OSBPL10: variants seen among roughly 807,000 people sequenced by gnomAD.
OSBPL10 encodes the protein oxysterol binding protein like 10.
In OSBPL10, 49 loss-of-function variants were observed where a neutral mutation model predicts 81.7. The observed-to-expected ratio is 0.60, with a 90% CI of 0.48 to 0.76. The LOEUF is 0.76. Ranked by LOEUF, OSBPL10 falls within the 30% of genes least tolerant of loss-of-function variation. The pLI is 0.00. For missense variants in OSBPL10, 923 were observed against 987.8 expected (o/e 0.93, Z 0.88); for synonymous variants, 419 against 383.6 (o/e 1.09, Z -1.08).
chr3:31,960,087 CCT>C (rs1305592716), intron 1 of OSBPL10: 1 of 152,176 alleles, frequency 6.6e-6, no homozygotes, highest in African/African-American at 2.4e-5. Flanking sequence ...TTCCAAACTC[CCT>C]GAGGCAGGGA....
intron 3 of OSBPL10, among the ~76,000 whole-genome samples, chr3:31,832,077 T>C (rs1700257050): frequency 6.6e-6 from 1 of 152,206 alleles, no homozygotes; most frequent in Non-Finnish European, 1.5e-5. Flanking sequence ...TATGAATTGA[T>C]CTGGAAATAT....
At chr3:31,677,108 G>A (rs1700499301) in intron 8 of OSBPL10, among the ~76,000 whole-genome samples, 2 of 152,152 alleles carry the variant, frequency 1.3e-5, no homozygotes, top group Admixed American at 1.3e-4. Flanking sequence ...ATAATGAGGA[G>A]ATGGAAAAAG....
At chr3:31,695,986 T>G (rs900928073) in intron 7 of OSBPL10, among the ~76,000 whole-genome samples, 8 of 152,102 alleles carry the variant, frequency 5.3e-5, no homozygotes, top group African/African-American at 1.7e-4. Flanking sequence ...ATGAGGAAGG[T>G]ACAATTATCA....
intron 2 of OSBPL10, among the ~76,000 whole-genome samples, chr3:32,003,568 G>A (rs553798995): frequency 6.6e-6 from 1 of 152,346 alleles, no homozygotes; most frequent in South Asian, 2.1e-4. Context: ...GTGTTTCTGA[G>A]AACTGAATAT....
At chr3:31,961,047 CT>C (rs35027814) in intron 1 of OSBPL10, among the ~76,000 whole-genome samples, 18,753 of 112,618 alleles carry the variant, frequency 0.17, 1,622 homozygotes, top group Middle Eastern at 0.23. Flanking sequence ...AAGCTACAGC[CT>C]TTTTTTTTTT....
intron 1 of OSBPL10, among the ~76,000 whole-genome samples, chr3:31,927,930 G>C (rs191366195): frequency 1.3e-5 from 2 of 152,044 alleles, no homozygotes; most frequent in South Asian, 2.1e-4. Context: ...CCTTGTAGTC[G>C]GGAACAGGGA....
chr3:31,821,746 G>C (rs2125507666), intron 4 of OSBPL10, among the ~76,000 whole-genome samples: 1 of 152,298 alleles, frequency 6.6e-6, no homozygotes, highest in East Asian at 1.9e-4. Flanking sequence ...TTCACACAAA[G>C]GGTAAATTCA....
chr3:32,068,078 G>A (rs889450063), intron 1 of OSBPL10, among the ~76,000 whole-genome samples: 2 of 152,228 alleles, frequency 1.3e-5, no homozygotes, highest in South Asian at 2.1e-4. Flanking sequence ...TCAGGTAAGC[G>A]GTCTTTTCAC....
chr3:31,860,205 C>T (rs192088237), intron 3 of OSBPL10, among the ~76,000 whole-genome samples: 19 of 152,266 alleles, frequency 1.2e-4, no homozygotes, highest in South Asian at 4.1e-4. Context: ...GCCTGCACCT[C>T]GGCAACCTCT....
intron 1 of OSBPL10, among the ~76,000 whole-genome samples, chr3:31,906,088 G>T (rs1422619481): frequency 2.0e-5 from 3 of 152,158 alleles, no homozygotes; most frequent in Non-Finnish European, 2.9e-5. Context: ...CATCACTTCA[G>T]TTGGCTCTGC....
chr3:31,962,343 A>G (rs1698191809), intron 1 of OSBPL10, among the ~76,000 whole-genome samples: 2 of 152,186 alleles, frequency 1.3e-5, no homozygotes, highest in African/African-American at 2.4e-5. Flanking sequence ...TGATTTTCTA[A>G]GCAAATAACA....
chr3:31,888,565 T>G (rs1040837182), intron 1 of OSBPL10, among the ~76,000 whole-genome samples: 2 of 152,110 alleles, frequency 1.3e-5, no homozygotes, highest in African/African-American at 4.8e-5. Context: ...TTGCAAACTA[T>G]TCATCTAACA....
chr3:31,938,571 C>T (rs769600760), intron 1 of OSBPL10, among the ~76,000 whole-genome samples: 6 of 152,058 alleles, frequency 3.9e-5, no homozygotes, highest in Admixed American at 6.5e-5. Context: ...TGCAGTGGTG[C>T]GATCATGGCT....
At chr3:31,870,451 T>G (rs1261700319) in intron 3 of OSBPL10, among the ~76,000 whole-genome samples, 2 of 152,182 alleles carry the variant, frequency 1.3e-5, no homozygotes, top group Non-Finnish European at 2.9e-5. Context: ...CGCCGCCCCC[T>G]ACTCCATAGC....
At chr3:31,904,137 C>G (rs1212674910) in intron 1 of OSBPL10, among the ~76,000 whole-genome samples, 1 of 152,206 alleles carries the variant, frequency 6.6e-6, no homozygotes, top group African/African-American at 2.4e-5. Context: ...GGACAGCTGG[C>G]TCCCTCCCTC....
intron 2 of OSBPL10, among the ~76,000 whole-genome samples, chr3:32,036,520 C>A (rs1164433984): frequency 6.6e-6 from 1 of 152,164 alleles, no homozygotes; most frequent in Non-Finnish European, 1.5e-5. Flanking sequence ...TAGATTGCCT[C>A]AAGGTTACCA....
intron 8 of OSBPL10, among the ~76,000 whole-genome samples, chr3:31,679,613 T>C (rs1214306049): frequency 6.6e-6 from 1 of 152,224 alleles, no homozygotes; most frequent in African/African-American, 2.4e-5. Context: ...TGAACTGCCT[T>C]CTCTACCTTC....
intron 7 of OSBPL10, among the ~76,000 whole-genome samples, chr3:31,697,253 GGTCC>G (rs1695750653): frequency 6.6e-6 from 1 of 152,116 alleles, no homozygotes; most frequent in Non-Finnish European, 1.5e-5. Context: ...GAGAGGGAAA[GGTCC>G]TAAGACTTCA....
intron 4 of OSBPL10, among the ~76,000 whole-genome samples, chr3:31,780,879 T>C (rs1241804175): frequency 1.3e-5 from 2 of 150,688 alleles, no homozygotes; most frequent in Non-Finnish European, 3.0e-5. Context: ...AACTGAATTC[T>C]ATCTGGCATT....
Sources: allele counts gnomAD v4.1 joint callset (sites outside exome capture counted in the v4.1 genomes callset), GRCh38; gene constraint gnomAD v4.1.1; transcripts MANE v1.5; gene names NCBI Gene and HGNC (gene_info 2026-07-23, HGNC 2026-07-21).